The following KRT37 variants were observed in gnomAD, a reference collection of about 807,000 sequenced individuals.
KRT37 encodes keratin 37.
Under a neutral mutation model 41.9 loss-of-function variants are expected in KRT37, and 38 were observed. The ratio of observed to expected loss-of-function variants is 0.91; its 90% CI spans 0.70 to 1.19. The LOEUF (loss-of-function observed/expected upper bound fraction) is 1.19. KRT37 is among the 50% of genes most tolerant of loss of function. KRT37 has a pLI of 0.00. For missense variants in KRT37, 580 were observed against 575.5 expected, an observed-to-expected ratio of 1.01 and a Z score of -0.08; for synonymous variants, 252 against 243.4, an observed-to-expected ratio of 1.04 and a Z score of -0.33.
In KRT37 at chr17:41,423,965, G is replaced by A. The variant is rs920531012; in HGVS notation, c.492+67C>T. ...GAACCCAAAGCTCTCTGGACCTTAT[G>A]CAGATTCCTCCTGCGAAGGCTTCTG... On this transcript the variant is annotated intron_variant, in intron 1 of 6. Coordinates refer to ENST00000225550, the MANE Select transcript of KRT37 (RefSeq NM_003770.5). 8.1e-6 allele frequency: 13 copies of A among 1,602,202 alleles called. No individual in the cohort carries two copies. In the African/African-American group the frequency reaches 1.7e-4, roughly 22 times the overall value.
At chr17:41,422,498 C>T (rs1265065997) in intron 3 of KRT37, 64 bp from the exon 4 acceptor site, 2 of 1,584,428 alleles carry the variant, frequency 1.3e-6, no homozygotes, top group Non-Finnish European at 1.7e-6. Context: ...GCAGACAGCA[C>T]CAGGACTCCG....
rs370425350 is a variant in KRT37 at position 41,422,796 on chromosome 17, G to A, written c.714C>T (p.Leu238=). The change falls in exon 3 of 7, where the codon CTC becomes CTT. Residue 238 remains leucine, a synonymous_variant. Transcript: ENST00000225550. The part of the protein sequence containing the change: ...QESLKEEQLS[L]KSNHEQEVKI... ...GCCACACCTGCTCGTGGTTGCTCTT[G>A]AGGGAGAGCTGCTCCTCCTTCAGGG... The A allele has an allele frequency of 4.7e-5, 75 of 1,610,918 alleles. No homozygotes were observed. The highest frequency in any genetic ancestry group is 6.2e-5 in the Non-Finnish European group (73 of 1,178,386).
intron 5 of KRT37, among the ~76,000 whole-genome samples, chr17:41,421,802 C>T (rs144004057): frequency 4.7e-4 from 71 of 152,334 alleles, no homozygotes; most frequent in African/African-American, 1.5e-3. Context: ...ATCCCCAGTG[C>T]TTGACAAAAA....
Position 41,424,237 on chromosome 17 carries a change from C to T in KRT37, c.287G>A (p.Gly96Asp). Residue 96 changes from glycine (G) to aspartate (D), a missense_variant, in exon 1 of 7, where the codon GGC (glycine) becomes GAC (aspartate). Gly to Asp is a moderately conservative substitution (Grantham distance 94, BLOSUM62 -1). Coordinates refer to ENST00000225550, the MANE Select transcript of KRT37 (RefSeq NM_003770.5). ...CTCATGGCCATTCAGGGTGTTTTTG[C>T]CGTAGGCCCCACAGATTCCGATGTT... ...PGNIGICGAY[G>D]KNTLNGHEKE... 6.2e-7 allele frequency: 1 copy of T among 1,614,232 alleles called. No homozygotes were observed. Among genetic ancestry groups the T allele is most frequent in the Non-Finnish European group, 8.5e-7 (1 of 1,180,044 alleles).
Position 41,424,087 on chromosome 17 carries a change from G to A in KRT37, c.437C>T (p.Thr146Ile). Residue 146 changes from threonine (T) to isoleucine (I), a missense_variant, in exon 1 of 7, where the codon ACC (threonine) becomes ATC (isoleucine). Coordinates refer to ENST00000225550, the MANE Select transcript of KRT37 (RefSeq NM_003770.5). ...GTAGGACTGGTAGTCGGGGCACACG[G>A]TGGACTCGTGGCACTTGCTCCTCTC... ...LLERSKCHES[T>I]VCPDYQSYFR... The A allele has an allele frequency of 6.2e-7, 1 of 1,614,210 alleles. No individual in the cohort carries two copies. Among genetic ancestry groups the A allele is most frequent in the Non-Finnish European group, 8.5e-7 (1 of 1,180,048 alleles).
rs1206446367 is a variant in KRT37 at position 41,420,949 on chromosome 17, T to A, written c.1279A>T (p.Thr427Ser). The change falls in exon 7 of 7, where the codon ACT becomes TCT. Residue 427 changes from threonine (T) to serine (S), a missense_variant. By Grantham distance (58) the Thr-to-Ser change is moderately conservative. Transcript: ENST00000225550. ...CNPCSTPASCTSCPSCGPVTG... is the reference protein window; with the variant it reads ...CNPCSTPASCSSCPSCGPVTG... ...ACAGGGCCACAGCTTGGACAAGAAG[T>A]ACAGGAGGCAGGCGTGGAACAGGGA... The A allele has an allele frequency of 1.2e-6, 2 of 1,613,884 alleles. No homozygotes were observed. Among genetic ancestry groups the A allele is most frequent in the South Asian group, 2.2e-5 (2 of 91,050 alleles).
intron 2 of KRT37, among the ~76,000 whole-genome samples, chr17:41,423,173 T>C (rs1215288319): frequency 6.6e-6 from 1 of 152,208 alleles, no homozygotes; most frequent in Non-Finnish European, 1.5e-5. Context: ...CAGTTAATAG[T>C]AAATGCATGG....
Position 41,420,728 on chromosome 17 carries a change from G to A in KRT37, c.*150C>T. 1 of 543,242 alleles carries A rather than the reference G, an allele frequency of 1.8e-6. No individual in the cohort carries two copies. Among genetic ancestry groups the A allele is most frequent in the Middle Eastern group, 3.3e-4 (1 of 3,030 alleles). 33.7% of individuals were successfully genotyped at this position (543,242 alleles called of 1,614,324 possible). ...ACAAAAAATACAGCTTAGAGGCATA[G>A]GCAGGGAGCCACTCCTTGGAAGTAT... is the stretch of plus-strand genomic sequence containing the variant. On this transcript the variant is annotated 3_prime_UTR_variant, in exon 7 of 7. Coordinates refer to ENST00000225550, the MANE Select transcript of KRT37 (RefSeq NM_003770.5).
chr17:41,420,977 G>A lies in KRT37; in HGVS notation c.1251C>T (p.Cys417=). The A allele has an allele frequency of 1.9e-6, 3 of 1,612,404 alleles. No homozygotes were observed. In the South Asian group the frequency reaches 3.3e-5, roughly 18 times the overall value. Residue 417 remains cysteine, a synonymous_variant, in exon 7 of 7, where the codon TGC becomes TGT. Coordinates refer to ENST00000225550, the MANE Select transcript of KRT37 (RefSeq NM_003770.5). ...AGGAGGCAGGCGTGGAACAGGGATT[G>A]CAGGGGAGTCTGCAGGGAGAGAAAG... ...LLESEDCKLP[C]NPCSTPASCT...
intron 2 of KRT37, 76 bp downstream of exon 2, chr17:41,423,686 T>G: frequency 2.2e-6 from 3 of 1,373,564 alleles, no homozygotes; most frequent in Non-Finnish European, 2.1e-6. Flanking sequence ...ACCTACAATA[T>G]AGACTGAGTA....
chr17:41,423,460 G>C, intron 2 of KRT37: 1 of 374,044 alleles, frequency 2.7e-6, no homozygotes, highest in Admixed American at 4.2e-5. Context: ...GTTTATTTTT[G>C]TGATGACTCA....
At chr17:41,423,682 A>G (rs2018573278) in intron 2 of KRT37, 80 bp downstream of exon 2, 8 of 1,337,448 alleles carry the variant, frequency 6.0e-6, no homozygotes, top group Non-Finnish European at 8.6e-6. Flanking sequence ...GAACACCTAC[A>G]ATATAGACTG....
rs2018582675 is a variant in KRT37 at position 41,424,192 on chromosome 17, A to G, written c.332T>C (p.Leu111Pro). ...NGHEKETMKF[L>P]NDRLANYLEK... ...CAGGTAGTTGGCCAGGCGGTCATTC[A>G]GGAACTTCATGGTCTCCTTCTCATG... The change falls in exon 1 of 7, where the codon CTG (leucine) becomes CCG (proline). Residue 111 changes from leucine (L) to proline (P), a missense_variant. Transcript: ENST00000225550. The G allele has an allele frequency of 6.2e-7, 1 of 1,614,236 alleles. No homozygotes were observed. The highest frequency in any genetic ancestry group is 8.5e-7 in the Non-Finnish European group (1 of 1,180,044).
In KRT37 at chr17:41,422,399, C is replaced by T. The variant is rs754859330; in HGVS notation, c.768G>A (p.Lys256=). The change falls in exon 4 of 7, where the codon AAG becomes AAA. Residue 256 remains lysine (K), a synonymous_variant. Coordinates refer to ENST00000225550, the MANE Select transcript of KRT37 (RefSeq NM_003770.5). ...VKILRSQLGE[K]FRIELDIEPT... is the part of the protein sequence containing the mutation. ...GCTCAATGTCCAGCTCGATCCGGAA[C>T]TTCTCCCCCAGCTGACTCCTCAGAA... is the stretch of plus-strand genomic sequence containing the variant. 3.1e-6 allele frequency: 5 copies of T among 1,614,212 alleles called. No homozygotes were observed. Among genetic ancestry groups the T allele is most frequent in the East Asian group, 2.2e-5 (1 of 44,880 alleles).
chr17:41,422,574 A>G, intron 3 of KRT37, 140 bp from the exon 4 acceptor site: 2 of 1,352,934 alleles, frequency 1.5e-6, no homozygotes, highest in Non-Finnish European at 1.0e-6. Flanking sequence ...TCCAGAGTGC[A>G]TTTGGGAGAG....
Position 41,422,915 on chromosome 17 carries a change from G to A in KRT37, c.595C>T (p.Leu199Phe), listed in dbSNP as rs1314596443. Residue 199 changes from leucine to phenylalanine, a missense_variant, in exon 3 of 7, where the codon CTT becomes TTT. Transcript: ENST00000225550. Reference protein sequence around the residue: ...FRIKLESERSLHQLVEADKCG... With the variant: ...FRIKLESERSFHQLVEADKCG... ...TTGTCCGCCTCCACCAGCTGGTGAAGGGAGCGCTCACTCTCCAGCCTTCCG... is the reference window on the plus strand; with the variant it reads ...TTGTCCGCCTCCACCAGCTGGTGAAAGGAGCGCTCACTCTCCAGCCTTCCG... 1 of 1,613,876 alleles carries A rather than the reference G, an allele frequency of 6.2e-7. No homozygotes were observed. The highest frequency in any genetic ancestry group is 8.5e-7 in the Non-Finnish European group (1 of 1,179,870).
rs143106512 is a variant in KRT37 at position 41,423,798 on chromosome 17, T to C, written c.539A>G (p.Asp180Gly). 18 of 1,614,142 alleles carry C rather than the reference T, an allele frequency of 1.1e-5. No individual in the cohort carries two copies. In the African/African-American group the frequency reaches 2.3e-4, roughly 20 times the overall value. ...AENARLIVQI[D>G]NAKLAADDFR... ...GTCATCAGCAGCCAGCTTCGCGTTG[T>C]CAATTTGTACAATCAGCCTGGCATT... Residue 180 changes from aspartate to glycine, a missense_variant, in exon 2 of 7, where the codon GAC becomes GGC. Transcript: ENST00000225550.
Position 41,423,833 on chromosome 17 carries a change from G to T in KRT37, c.504C>A (p.Ser168Arg), listed in dbSNP as rs1485771938. 1 of 1,614,208 alleles carries T rather than the reference G, an allele frequency of 6.2e-7. No homozygotes were observed. The highest frequency in any genetic ancestry group is 8.5e-7 in the Non-Finnish European group (1 of 1,180,030). Residue 168 changes from serine to arginine, a missense_variant, in exon 2 of 7, where the codon AGC (serine) becomes AGA (arginine). Ser to Arg is a moderately radical substitution (Grantham distance 110). Coordinates refer to ENST00000225550, the MANE Select transcript of KRT37 (RefSeq NM_003770.5). ...IEELQQKILC[S>R]KAENARLIVQ... ...CAATCAGCCTGGCATTCTCAGCCTT[G>T]CTGCACAGGATCTGAGGAAAACGGA...
chr17:41,422,086 G>A lies in KRT37; in HGVS notation c.1003C>T (p.Gln335Ter). ...ACACGTACCAAGGTGTGCTGGGCTT[G>A]GCGCTCCACCTCCAGGGCATTCACC... The part of the protein sequence containing the change: ...CTVNALEVER[Q>*]AQHTLKDCLQ... The change falls in exon 5 of 7, where the codon CAA becomes TAA. Residue 335 changes from glutamine (Q) to a stop codon, truncating the protein, a stop_gained. Coordinates refer to ENST00000225550, the MANE Select transcript of KRT37 (RefSeq NM_003770.5). LOFTEE classifies it high-confidence loss of function. The A allele has an allele frequency of 6.2e-7, 1 of 1,614,188 alleles. No individual in the cohort carries two copies. The highest frequency in any genetic ancestry group is 8.5e-7 in the Non-Finnish European group (1 of 1,180,036).
Sources: gnomAD v4.1 joint callset for allele counts (sites outside exome capture counted in the v4.1 genomes callset) on GRCh38, gnomAD v4.1.1 for gene constraint, MANE v1.5 for transcripts, NCBI Gene and HGNC (gene_info 2026-07-23, HGNC 2026-07-21) for gene names.